The following DLGAP2 variants were observed in gnomAD, a reference collection of about 807,000 sequenced individuals.
DLGAP2 encodes DLG associated protein 2, also known as disks large-associated protein 2.
DLGAP2 carries 26 observed loss-of-function variants against 100.3 expected under a neutral mutation model. The observed-to-expected ratio is 0.26, with a 90% CI of 0.19 to 0.36. DLGAP2 has a LOEUF of 0.36. Among genes scored for constraint, DLGAP2 ranks in the 10% least tolerant of loss-of-function variants. The pLI, the probability that DLGAP2 is intolerant of heterozygous loss-of-function variation, is 1.00. For missense variants in DLGAP2, 1,858 were observed against 1,453.2 expected (o/e 1.28, Z -4.53); for synonymous variants, 886 against 630.1 (o/e 1.41, Z -6.08).
chr8:1,441,085 C>G (rs1213947105), intron 3 of DLGAP2, among the ~76,000 whole-genome samples: 3 of 151,954 alleles, frequency 2.0e-5, no homozygotes, highest in Non-Finnish European at 2.9e-5. Context: ...AGTCTATGTT[C>G]GAAACATAAT....
intron 2 of DLGAP2, among the ~76,000 whole-genome samples, chr8:1,161,929 G>A (rs1040154126): frequency 6.6e-6 from 1 of 152,254 alleles, no homozygotes; most frequent in Admixed American, 6.5e-5. Flanking sequence ...GTATAGAGAG[G>A]AGATCCGTGT....
chr8:922,636 A>G (rs1048388288), intron 2 of DLGAP2, among the ~76,000 whole-genome samples: 1 of 152,234 alleles, frequency 6.6e-6, no homozygotes, highest in Non-Finnish European at 1.5e-5. Context: ...ATTTGCAACC[A>G]TGAACCATAT....
At chr8:1,276,791 A>T (rs1179302690) in intron 3 of DLGAP2, among the ~76,000 whole-genome samples, 1 of 152,152 alleles carries the variant, frequency 6.6e-6, no homozygotes, top group Non-Finnish European at 1.5e-5. Context: ...TTTAATTGAT[A>T]TTTTATACTG....
chr8:1,373,533 C>G (rs1004579837), intron 3 of DLGAP2, among the ~76,000 whole-genome samples: 2 of 152,234 alleles, frequency 1.3e-5, no homozygotes, highest in Admixed American at 6.5e-5. Context: ...GGCAATTGTT[C>G]TCTTCACCAG....
intron 2 of DLGAP2, among the ~76,000 whole-genome samples, chr8:1,111,394 T>G (rs1249281995): frequency 1.3e-5 from 2 of 152,114 alleles, no homozygotes; most frequent in African/African-American, 2.4e-5. Flanking sequence ...GTTTCTTTTT[T>G]TTTTCTTTTT....
At chr8:1,082,905 G>T (rs546711879) in intron 2 of DLGAP2, among the ~76,000 whole-genome samples, 1 of 152,268 alleles carries the variant, frequency 6.6e-6, no homozygotes, top group South Asian at 2.1e-4. Flanking sequence ...TTCAACTTTT[G>T]GGGGAATAGT....
At chr8:1,297,047 G>GGCACAGAGCAGGTTCCCA (rs1800196798) in intron 3 of DLGAP2, 1 of 152,414 alleles carries the variant, frequency 6.6e-6, no homozygotes, top group African/African-American at 2.4e-5. Context: ...GATTGTGCCT[G>GGCACAGAGCAGGTTCCCA]GCACAGAGCA....
chr8:1,091,863 C>T (rs778194273), intron 2 of DLGAP2, among the ~76,000 whole-genome samples: 10 of 152,004 alleles, frequency 6.6e-5, no homozygotes, highest in African/African-American at 2.4e-4. Context: ...CCTTTTCCCT[C>T]TTTCGCTCGT....
At chr8:1,061,739 C>G (rs1421762788) in intron 2 of DLGAP2, among the ~76,000 whole-genome samples, 2 of 151,948 alleles carry the variant, frequency 1.3e-5, no homozygotes, top group African/African-American at 4.8e-5. Context: ...TCCCTTCCCT[C>G]TCCCTCCCCG....
At chr8:1,517,862 T>C (rs1175652906) in intron 4 of DLGAP2, among the ~76,000 whole-genome samples, 1 of 152,128 alleles carries the variant, frequency 6.6e-6, no homozygotes, top group Non-Finnish European at 1.5e-5. Flanking sequence ...GGGGGCAGGG[T>C]CATGGAATAA....
chr8:981,557 T>C (rs940536438), intron 2 of DLGAP2, among the ~76,000 whole-genome samples: 11 of 152,170 alleles, frequency 7.2e-5, no homozygotes, highest in Admixed American at 1.3e-4. Context: ...GTACGAGGGT[T>C]CCAGTTTCTC....
At chr8:1,164,134 G>C (rs187613686) in intron 2 of DLGAP2, among the ~76,000 whole-genome samples, 2 of 114,112 alleles carry the variant, frequency 1.8e-5, no homozygotes, top group Non-Finnish European at 3.8e-5. Context: ...CGTCATTTTG[G>C]TTTGTGGGGA....
chr8:758,436 T>A (rs1358190946), intron 1 of DLGAP2, among the ~76,000 whole-genome samples: 1 of 152,194 alleles, frequency 6.6e-6, no homozygotes, highest in Non-Finnish European at 1.5e-5. Flanking sequence ...AAGTAACATT[T>A]GCGTATAGTT....
chr8:950,628 T>C (rs1383240720), intron 2 of DLGAP2, among the ~76,000 whole-genome samples: 12 of 148,848 alleles, frequency 8.1e-5, no homozygotes, highest in East Asian at 1.9e-4. Context: ...TTTTCTTTTT[T>C]TTTTTTTTTT....
intron 13 of DLGAP2, among the ~76,000 whole-genome samples, chr8:1,695,354 G>GATGTTCTTAGGTT (rs1799362893): frequency 6.9e-6 from 1 of 145,128 alleles, no homozygotes; most frequent in African/African-American, 2.8e-5. Context: ...AGAAAGAGGG[G>GATGTTCTTAGGTT]GCACAGCCAT....
intron 4 of DLGAP2, among the ~76,000 whole-genome samples, chr8:1,518,331 T>C (rs1041755776): frequency 9.9e-5 from 15 of 152,098 alleles, no homozygotes; most frequent in African/African-American, 2.9e-4. Context: ...ATGGGTTTTG[T>C]TGTTTGTTTT....
chr8:1,584,756 G>A (rs1484167980), intron 6 of DLGAP2, among the ~76,000 whole-genome samples: 3 of 152,050 alleles, frequency 2.0e-5, no homozygotes, highest in South Asian at 2.1e-4. Flanking sequence ...CCCCACACCC[G>A]GCGGACCCAA....
chr8:1,186,757 C>T (rs1282074354), intron 2 of DLGAP2, among the ~76,000 whole-genome samples: 2 of 152,146 alleles, frequency 1.3e-5, no homozygotes, highest in African/African-American at 4.8e-5. Flanking sequence ...CCTCCCCTGG[C>T]TCTAAGGAGC....
rs1046937841 is a variant in DLGAP2 at position 1,216,475 on chromosome 8, C to T, written c.74-42376C>T. Among the ~76,000 whole-genome samples, 5 of 151,838 alleles carry T rather than the reference C, an allele frequency of 3.3e-5. No homozygotes were observed. In the East Asian group the frequency reaches 5.8e-4, roughly 18 times the overall value. ...GAGATCCTCCCTCTTCAACCTCCCA[C>T]GTATGTGCCACCATGCCTGGCTAAT... is the stretch of plus-strand genomic sequence containing the variant. On this transcript the variant is annotated intron_variant, in intron 2 of 14. Transcript: ENST00000637795.
Sources: gnomAD v4.1 joint callset for allele counts (sites outside exome capture counted in the v4.1 genomes callset) on GRCh38, gnomAD v4.1.1 for gene constraint, MANE v1.5 for transcripts, NCBI Gene and HGNC (gene_info 2026-07-23, HGNC 2026-07-21) for gene names.